The following PTPMT1 variants were observed in gnomAD, a reference collection of about 807,000 sequenced individuals.
The protein encoded by PTPMT1 is phosphatidylglycerophosphatase and protein-tyrosine phosphatase 1.
PTPMT1 carries 12 observed loss-of-function variants against 17.8 expected under a neutral mutation model. The observed-to-expected ratio is 0.67, with a 90% CI of 0.43 to 1.09. The LOEUF (loss-of-function observed/expected upper bound fraction) is 1.09. Among genes scored for constraint, PTPMT1 ranks in the 50% least tolerant of loss-of-function variants. The pLI, the probability that PTPMT1 is intolerant of heterozygous loss-of-function variation, is 0.00. For missense variants in PTPMT1, 262 were observed against 266.0 expected, an observed-to-expected ratio of 0.99 and a Z score of 0.10; for synonymous variants, 132 against 116.8, an observed-to-expected ratio of 1.13 and a Z score of -0.84.
chr11:47,567,510 A>AAAGCAT (rs1424136101), intron 2 of PTPMT1, among the ~76,000 whole-genome samples: 1 of 152,008 alleles, frequency 6.6e-6, no homozygotes, highest in African/African-American at 2.4e-5. Context: ...CTGAAGTCTT[A>AAAGCAT]AAGCATAAAG....
chr11:47,573,261 T>C lies in PTPMT1; in HGVS notation c.*1632T>C, dbSNP rs1402718303. On this transcript the variant is annotated 3_prime_UTR_variant, in exon 4 of 4. Coordinates refer to ENST00000326674, the MANE Select transcript of PTPMT1 (RefSeq NM_175732.3). The surrounding 1 kb of genome is among the most constrained non-coding windows in gnomAD (Gnocchi z 4.1). ...CAGCACATAGGGCTTCACATGGCAT[T>C]TGTCTGTCTCTGTGTCAAAGCACTG... 5 of 1,614,090 alleles carry C rather than the reference T, an allele frequency of 3.1e-6. No individual in the cohort carries two copies. Among genetic ancestry groups the C allele is most frequent in the Non-Finnish European group, 4.2e-6 (5 of 1,180,014 alleles).
intron 3 of PTPMT1, 68 bp downstream of exon 3, chr11:47,569,959 G>C: frequency 7.7e-7 from 1 of 1,294,154 alleles, no homozygotes; most frequent in Non-Finnish European, 1.1e-6. Flanking sequence ...TGGGAGGCTT[G>C]AGATGGGAGG....
In PTPMT1 at chr11:47,573,175, C is replaced by T; in HGVS notation, c.*1546C>T. The T allele has an allele frequency of 6.2e-7, 1 of 1,614,180 alleles. No homozygotes were observed. The highest frequency in any genetic ancestry group is 8.5e-7 in the Non-Finnish European group (1 of 1,180,028). The stretch of plus-strand genomic sequence containing the variant: ...GGATTGTAGCACACCAGGGAGTCCC[C>T]TTCAGCCACGATGAACACCAGATCT... On this transcript the variant is annotated 3_prime_UTR_variant, in exon 4 of 4. Transcript: ENST00000326674. This position sits in a 1 kb window ranked among gnomAD's most constrained non-coding sequence, Gnocchi z 4.1.
chr11:47,565,630 C>A lies in PTPMT1; in HGVS notation c.8C>A (p.Ala3Asp), dbSNP rs2097242344. Residue 3 changes from alanine (A) to aspartate (D), a missense_variant, in exon 1 of 4, where the codon GCC (alanine) becomes GAC (aspartate). Physicochemically the swap from Ala to Asp is moderately radical, Grantham distance 126 (BLOSUM62 -2). Coordinates refer to ENST00000326674, the MANE Select transcript of PTPMT1 (RefSeq NM_175732.3). The part of the protein sequence containing the change: MA[A>D]TALLEAGLAR... ...CCGCTGCGCCGGGCCGGGATGGCGG[C>A]CACCGCGCTGCTGGAGGCCGGCCTG... is the stretch of plus-strand genomic sequence containing the variant. The A allele has an allele frequency of 2.3e-6, 3 of 1,314,398 alleles. No individual in the cohort carries two copies. The highest frequency in any genetic ancestry group is 2.9e-6 in the Non-Finnish European group (3 of 1,033,518). 81.4% of individuals were successfully genotyped at this position (1,314,398 alleles called of 1,614,324 possible).
At chr11:47,567,218 A>G (rs1042072037) in intron 2 of PTPMT1, among the ~76,000 whole-genome samples, 1 of 151,986 alleles carries the variant, frequency 6.6e-6, no homozygotes, top group Non-Finnish European at 1.5e-5. Context: ...CCTGGCCAAA[A>G]TGGTGAAACC....
At chr11:47,569,624 T>C in intron 2 of PTPMT1, 76 bp from the exon 3 acceptor site, 1 of 1,184,736 alleles carries the variant, frequency 8.4e-7, no homozygotes, top group Admixed American at 2.5e-5. Flanking sequence ...CTTTGCTGCT[T>C]CTTGGGAGCC....
rs200102394 is a variant in PTPMT1, at chr11:47,573,163, C to A, written c.*1534C>A. The A allele has an allele frequency of 8.9e-5, 144 of 1,614,078 alleles. No homozygotes were observed. Among genetic ancestry groups the A allele is most frequent in the Non-Finnish European group, 1.2e-4 (137 of 1,180,038 alleles). On this transcript the variant is annotated 3_prime_UTR_variant, in exon 4 of 4. Coordinates refer to ENST00000326674, the MANE Select transcript of PTPMT1 (RefSeq NM_175732.3). The surrounding 1 kb of genome is among the most constrained non-coding windows in gnomAD (Gnocchi z 4.1). ...CTGTCTAGCAAGGGATTGTAGCACACCAGGGAGTCCCCTTCAGCCACGATG... is the reference window on the plus strand; with the variant it reads ...CTGTCTAGCAAGGGATTGTAGCACAACAGGGAGTCCCCTTCAGCCACGATG...
intron 2 of PTPMT1, among the ~76,000 whole-genome samples, chr11:47,568,637 G>A (rs981200445): frequency 2.6e-4 from 40 of 152,076 alleles, no homozygotes; most frequent in Admixed American, 2.6e-4. Context: ...AGCCATGATT[G>A]CATACCACTG....
Position 47,573,173 on chromosome 11 carries a change from C to T in PTPMT1, c.*1544C>T, listed in dbSNP as rs145669679. The stretch of plus-strand genomic sequence containing the variant: ...AGGGATTGTAGCACACCAGGGAGTC[C>T]CCTTCAGCCACGATGAACACCAGAT... On this transcript the variant is annotated 3_prime_UTR_variant, in exon 4 of 4. Transcript: ENST00000326674. The surrounding 1 kb of genome is among the most constrained non-coding windows in gnomAD (Gnocchi z 4.1). The T allele has an allele frequency of 1.2e-5, 20 of 1,614,130 alleles. No individual in the cohort carries two copies. The African/African-American group carries it at 2.4e-4, about 19-fold the overall frequency.
rs761727736 is a variant in PTPMT1 at position 47,569,898 on chromosome 11, A to C, written c.447+7A>C. On this transcript the variant is annotated splice_region_variant and intron_variant, in intron 3 of 3. Transcript: ENST00000326674. ...GGCAGCATACCTGATTCAGGTACCA[A>C]AGTTCTTTCTGGGCTGGGCATCGTG... is the stretch of plus-strand genomic sequence containing the variant. 1 of 1,608,258 alleles carries C rather than the reference A, an allele frequency of 6.2e-7. No individual in the cohort carries two copies. Among genetic ancestry groups the C allele is most frequent in the Non-Finnish European group, 8.5e-7 (1 of 1,176,866 alleles).
At chr11:47,567,401 G>C (rs1293438464) in intron 2 of PTPMT1, among the ~76,000 whole-genome samples, 2 of 147,750 alleles carry the variant, frequency 1.4e-5, no homozygotes, top group Non-Finnish European at 3.0e-5. Context: ...GTGAGTCTCC[G>C]TCTCAAAAAA....
At chr11:47,569,951 G>T in intron 3 of PTPMT1, 60 bp downstream of exon 3, 1 of 1,408,172 alleles carries the variant, frequency 7.1e-7, no homozygotes, top group Admixed American at 1.9e-5. Flanking sequence ...CAGCACTTTG[G>T]GAGGCTTGAG....
rs3740655 is a variant in PTPMT1 at position 47,569,801 on chromosome 11, C to T, written c.357C>T (p.Leu119=). ...DNLQKGVQFA[L]KYQSLGQCVY... ...TCCAGAAGGGAGTCCAATTTGCTCT[C>T]AAGTACCAGTCGCTGGGCCAGTGTG... Residue 119 remains leucine (L), a synonymous_variant, in exon 3 of 4, where the codon CTC becomes CTT. Coordinates refer to ENST00000326674, the MANE Select transcript of PTPMT1 (RefSeq NM_175732.3). The T allele has an allele frequency of 5.8e-5, 94 of 1,614,140 alleles. 1 individual carries two copies. In the East Asian group the frequency reaches 2.1e-3, roughly 36 times the overall value.
chr11:47,568,844 C>T (rs2097247857), intron 2 of PTPMT1, among the ~76,000 whole-genome samples: 1 of 152,020 alleles, frequency 6.6e-6, no homozygotes, highest in South Asian at 2.1e-4. Flanking sequence ...GCATCCACCA[C>T]CACGCATGGC....
intron 2 of PTPMT1, 72 bp from the exon 3 acceptor site, chr11:47,569,627 TG>T (rs1266171196): frequency 4.9e-6 from 6 of 1,220,606 alleles, no homozygotes; most frequent in Non-Finnish European, 6.9e-6. Flanking sequence ...TGCTGCTTCT[TG>T]GGAGCCCCTT....
rs753391201 is a variant in PTPMT1 at position 47,571,498 on chromosome 11, G to GT, written c.476dup (p.Arg160LysfsTer21). ...GCACAAATGGAGTCCAGAGGAGGCT[G>GT]TAAGAGCCATCGCCAAGATCCGGTC... On this transcript the variant is annotated frameshift_variant, in exon 4 of 4. Coordinates refer to ENST00000326674, the MANE Select transcript of PTPMT1 (RefSeq NM_175732.3). LOFTEE classifies it low-confidence loss of function (END_TRUNC). 6.8e-6 allele frequency: 11 copies of GT among 1,614,026 alleles called. No homozygotes were observed. Among genetic ancestry groups the GT allele is most frequent in the Non-Finnish European group, 7.6e-6 (9 of 1,180,004 alleles).
Position 47,573,141 on chromosome 11 carries a change from T to C in PTPMT1, c.*1512T>C. On this transcript the variant is annotated 3_prime_UTR_variant, in exon 4 of 4. Transcript: ENST00000326674. This position sits in a 1 kb window ranked among gnomAD's most constrained non-coding sequence, Gnocchi z 4.1. ...AGGAAGGCAAAGCCGGGTGAAGCTGTCTAGCAAGGGATTGTAGCACACCAG... is the reference window on the plus strand; with the variant it reads ...AGGAAGGCAAAGCCGGGTGAAGCTGCCTAGCAAGGGATTGTAGCACACCAG... 1 of 1,614,190 alleles carries C rather than the reference T, an allele frequency of 6.2e-7. No individual in the cohort carries two copies. Among genetic ancestry groups the C allele is most frequent in the South Asian group, 1.1e-5 (1 of 91,090 alleles).
intron 2 of PTPMT1, among the ~76,000 whole-genome samples, chr11:47,567,283 G>A (rs2153792906): frequency 6.6e-6 from 1 of 151,998 alleles, no homozygotes; most frequent in Admixed American, 6.6e-5. Flanking sequence ...GCAGGCGCCT[G>A]TAATCCTAGC....
chr11:47,569,591 T>C (rs757086860), intron 2 of PTPMT1, 109 bp from the exon 3 acceptor site: 8 of 798,420 alleles, frequency 1.0e-5, no homozygotes, highest in Middle Eastern at 3.0e-4. Flanking sequence ...CCCATTGTAG[T>C]AAACCCTGAA....
Sources: allele counts gnomAD v4.1 joint callset (sites outside exome capture counted in the v4.1 genomes callset), GRCh38; gene constraint gnomAD v4.1.1; non-coding constraint Gnocchi (gnomAD v3.1); transcripts MANE v1.5; gene names NCBI Gene and HGNC (gene_info 2026-07-23, HGNC 2026-07-21).